SDK1: variants seen among roughly 807,000 people sequenced by gnomAD.
SDK1 encodes the protein protein sidekick-1.
SDK1 carries 157 observed loss-of-function variants against 245.5 expected under a neutral mutation model. That is an observed-to-expected ratio of 0.64 (90% CI 0.56 to 0.73). SDK1 has a LOEUF of 0.73. Ranked by LOEUF, SDK1 falls within the 30% of genes least tolerant of loss-of-function variation. SDK1 has a pLI of 0.00. For synonymous variants in SDK1, 1,647 were observed against 1,278.5 expected (o/e 1.29, Z -6.15); for missense variants, 3,583 against 3,002.3 (o/e 1.19, Z -4.52).
At chr7:4,158,321 A>T (rs975367494) in intron 30 of SDK1, 127 bp from the exon 31 acceptor site, 10 of 708,554 alleles carry the variant, frequency 1.4e-5, no homozygotes, top group Non-Finnish European at 2.4e-5. Context: ...TCTCGGGCCC[A>T]CACAGGAGCC....
At chr7:3,649,949 G>A (rs1178197398) in intron 4 of SDK1, among the ~76,000 whole-genome samples, 1 of 151,498 alleles carries the variant, frequency 6.6e-6, no homozygotes, top group Non-Finnish European at 1.5e-5. Context: ...CTGAATCTGG[G>A]AAGGAATCGA....
At chr7:3,782,035 C>T (rs1053138335) in intron 4 of SDK1, among the ~76,000 whole-genome samples, 14 of 152,154 alleles carry the variant, frequency 9.2e-5, no homozygotes, top group South Asian at 2.1e-4. Flanking sequence ...AATATAGGAA[C>T]AGATGCCAAT....
chr7:3,858,598 C>A (rs536062649), intron 5 of SDK1, among the ~76,000 whole-genome samples: 1 of 151,896 alleles, frequency 6.6e-6, no homozygotes, highest in East Asian at 1.9e-4. Context: ...TGTATAAGAC[C>A]CAGGGTTTTT....
At chr7:4,257,211 A>G (rs759056142) in intron 44 of SDK1, among the ~76,000 whole-genome samples, 7 of 152,198 alleles carry the variant, frequency 4.6e-5, no homozygotes, top group African/African-American at 9.7e-5. Flanking sequence ...TGAGTCTTTC[A>G]TCTTGCCAAC....
intron 16 of SDK1, among the ~76,000 whole-genome samples, chr7:4,015,888 G>A (rs931997660): frequency 3.3e-5 from 5 of 152,152 alleles, no homozygotes; most frequent in Admixed American, 6.5e-5. Flanking sequence ...CATGGTCGGC[G>A]GCAAGAGGGA....
At chr7:4,036,363 C>G (rs1014941114) in intron 17 of SDK1, among the ~76,000 whole-genome samples, 1 of 152,114 alleles carries the variant, frequency 6.6e-6, no homozygotes, top group East Asian at 1.9e-4. Context: ...GATTTGGAAT[C>G]TGATCAAATG....
rs185077214 is a variant in SDK1 at position 4,144,188 on chromosome 7, C to A, written c.4229-1534C>A. Reference sequence around the variant, plus strand: ...AGAGCTGGCCGCCGTCTCTAGGCTGCCCTCGGTCAGTCAGTGACTGGGAAG... The same window carrying A: ...AGAGCTGGCCGCCGTCTCTAGGCTGACCTCGGTCAGTCAGTGACTGGGAAG... On this transcript the variant is annotated intron_variant, in intron 28 of 44. Coordinates refer to ENST00000404826, the MANE Select transcript of SDK1 (RefSeq NM_152744.4). Among the ~76,000 whole-genome samples the A allele has an allele frequency of 3.3e-3, 501 of 152,274 alleles. 2 individuals carry two copies. Among genetic ancestry groups the A allele is most frequent in the East Asian group, 0.019 (96 of 5,158 alleles).
At chr7:4,021,258 G>A (rs753284449) in intron 17 of SDK1, among the ~76,000 whole-genome samples, 2 of 152,146 alleles carry the variant, frequency 1.3e-5, no homozygotes, top group African/African-American at 2.4e-5. Context: ...ACTCATGCAC[G>A]GTCACCCCTC....
At chr7:3,787,532 A>G (rs187510163) in intron 4 of SDK1, among the ~76,000 whole-genome samples, 1 of 151,902 alleles carries the variant, frequency 6.6e-6, no homozygotes, top group Non-Finnish European at 1.5e-5. Context: ...AACTAATGGC[A>G]TTGGTTAAAA....
intron 1 of SDK1, among the ~76,000 whole-genome samples, chr7:3,346,332 G>C (rs1208377958): frequency 1.3e-5 from 2 of 152,004 alleles, no homozygotes; most frequent in Non-Finnish European, 2.9e-5. Flanking sequence ...GGCTAGTGGA[G>C]CTCCTGTGAG....
At chr7:3,448,413 A>C (rs900470765) in intron 1 of SDK1, among the ~76,000 whole-genome samples, 1 of 151,784 alleles carries the variant, frequency 6.6e-6, no homozygotes, top group Non-Finnish European at 1.5e-5. Context: ...CTGTTTGGTT[A>C]TTTATTTTGG....
At chr7:3,522,603 T>C (rs536818556) in intron 1 of SDK1, among the ~76,000 whole-genome samples, 22 of 152,192 alleles carry the variant, frequency 1.4e-4, no homozygotes, top group Non-Finnish European at 2.5e-4. Flanking sequence ...AAATCAGGGA[T>C]TGATGATTGG....
rs10262755 is a variant in SDK1, at chr7:3,790,004, C to T, written c.714-31446C>T. ...CAGCTAACTCTGCACCATTTCCTGCCACCACCTCTCCCCCTTCCCGAGGAC... is the reference window on the plus strand; with the variant it reads ...CAGCTAACTCTGCACCATTTCCTGCTACCACCTCTCCCCCTTCCCGAGGAC... On this transcript the variant is annotated intron_variant, in intron 4 of 44. Transcript: ENST00000404826. Among the ~76,000 whole-genome samples the T allele has an allele frequency of 5.6e-3, 847 of 152,180 alleles. 9 individuals carry two copies. The highest frequency in any genetic ancestry group is 0.02 in the African/African-American group (814 of 41,514).
At chr7:3,330,630 A>G (rs560890820) in intron 1 of SDK1, among the ~76,000 whole-genome samples, 1 of 152,054 alleles carries the variant, frequency 6.6e-6, no homozygotes, top group African/African-American at 2.4e-5. Flanking sequence ...ATGGTCTTGG[A>G]CTTCATAGCC....
chr7:3,972,401 G>A (rs1012107636), intron 12 of SDK1, among the ~76,000 whole-genome samples: 2 of 152,056 alleles, frequency 1.3e-5, no homozygotes, highest in Non-Finnish European at 1.5e-5. Flanking sequence ...AAGGAATGCC[G>A]ACATCCTGTC....
At chr7:3,423,704 G>C (rs1464687520) in intron 1 of SDK1, among the ~76,000 whole-genome samples, 1 of 151,772 alleles carries the variant, frequency 6.6e-6, no homozygotes, top group Non-Finnish European at 1.5e-5. Flanking sequence ...ATATCTGAAT[G>C]GATTAGGAAA....
chr7:3,478,489 C>G (rs963020784), intron 1 of SDK1, among the ~76,000 whole-genome samples: 1 of 151,830 alleles, frequency 6.6e-6, no homozygotes, highest in African/African-American at 2.4e-5. Context: ...TACATATTCT[C>G]TTTAAATATA....
chr7:3,376,582 C>T (rs1781361544), intron 1 of SDK1, among the ~76,000 whole-genome samples: 1 of 152,270 alleles, frequency 6.6e-6, no homozygotes, highest in South Asian at 2.1e-4. Flanking sequence ...TTACCAGATT[C>T]ACAGAGGTGA....
intron 5 of SDK1, among the ~76,000 whole-genome samples, chr7:3,932,428 A>G (rs1780009389): frequency 6.6e-6 from 1 of 152,226 alleles, no homozygotes; most frequent in Non-Finnish European, 1.5e-5. Flanking sequence ...TAGCAGATTG[A>G]GTAGAGAACC....
Sources: allele counts gnomAD v4.1 joint callset (sites outside exome capture counted in the v4.1 genomes callset), GRCh38; gene constraint gnomAD v4.1.1; transcripts MANE v1.5; gene names NCBI Gene and HGNC (gene_info 2026-07-23, HGNC 2026-07-21).